The following CAMKMT variants were observed in gnomAD, a reference collection of about 807,000 sequenced individuals.
CAMKMT encodes CaM KMT.
A neutral mutation model predicts 48.0 loss-of-function variants in CAMKMT; 53 were observed. The ratio of observed to expected loss-of-function variants is 1.10; its 90% confidence interval spans 0.89 to 1.39. The LOEUF is 1.39. Ranked by LOEUF, CAMKMT falls within the 40% of genes most tolerant of loss-of-function variation. The pLI is 0.00. For synonymous variants in CAMKMT, 165 were observed against 152.3 expected (o/e 1.08, Z -0.61); for missense variants, 428 against 402.7 (o/e 1.06, Z -0.54).
chr2:44,370,188 A>G (rs1679012948), intron 1 of CAMKMT, among the ~76,000 whole-genome samples: 1 of 151,506 alleles, frequency 6.6e-6, no homozygotes, highest in African/African-American at 2.5e-5. Context: ...TTTTTCTCTC[A>G]CGTAGTAGGT....
intron 9 of CAMKMT, among the ~76,000 whole-genome samples, chr2:44,754,908 A>G (rs1488658023): frequency 6.6e-6 from 1 of 152,174 alleles, no homozygotes; most frequent in Non-Finnish European, 1.5e-5. Flanking sequence ...GGAGTTTAAA[A>G]TAGGTTAACA....
intron 9 of CAMKMT, among the ~76,000 whole-genome samples, chr2:44,763,235 C>A (rs1177777499): frequency 6.6e-6 from 1 of 152,142 alleles, no homozygotes; most frequent in East Asian, 1.9e-4. Context: ...AACAAAACTC[C>A]TAAGTAGTTA....
intron 3 of CAMKMT, among the ~76,000 whole-genome samples, chr2:44,596,827 A>G (rs926692290): frequency 1.3e-5 from 2 of 152,196 alleles, no homozygotes; most frequent in African/African-American, 4.8e-5. Context: ...TCTAAGGTTT[A>G]CTCAGTCATT....
chr2:44,480,961 A>G (rs1016806413), intron 3 of CAMKMT, among the ~76,000 whole-genome samples: 2 of 152,070 alleles, frequency 1.3e-5, no homozygotes, highest in African/African-American at 4.8e-5. Context: ...TGGATCATAT[A>G]AATAGGAGAT....
chr2:44,386,010 C>CT (rs1680748179), intron 2 of CAMKMT, among the ~76,000 whole-genome samples: 1 of 151,976 alleles, frequency 6.6e-6, no homozygotes, highest in Non-Finnish European at 1.5e-5. Flanking sequence ...GGGAGGGTTT[C>CT]TTATTTCTTT....
rs768016198 is a variant in CAMKMT, at chr2:44,710,107, T to TA, written c.556+2656dup. On this transcript the variant is annotated intron_variant, in intron 6 of 10. Transcript: ENST00000378494. The stretch of plus-strand genomic sequence containing the variant: ...TAAGATTCTGATTTTTACCTTTTTT[T>TA]AAAAAAAAAAACAGCATTTCCTGAT... Among the ~76,000 whole-genome samples, 502 of 147,942 alleles carry TA rather than the reference T, an allele frequency of 3.4e-3. 5 individuals are homozygous for TA. The highest frequency in any genetic ancestry group is 0.023 in the East Asian group (118 of 5,110).
Position 44,525,079 on chromosome 2 carries a change from G to A in CAMKMT, c.376+134774G>A, listed in dbSNP as rs530242868. On this transcript the variant is annotated intron_variant, in intron 3 of 10. Transcript: ENST00000378494. ...GATAAGTGAGATTAAGATAGCACAC[G>A]TTAGTAGTTATAGTAGTAGTAATAC... 1.9e-3 allele frequency among the ~76,000 whole-genome samples: 282 copies of A among 151,992 alleles called. 1 individual carries two copies. The highest frequency in any genetic ancestry group is 3.4e-3 in the Middle Eastern group (1 of 292).
intron 3 of CAMKMT, among the ~76,000 whole-genome samples, chr2:44,520,027 C>T (rs1349552286): frequency 8.7e-5 from 13 of 148,594 alleles, no homozygotes; most frequent in African/African-American, 2.7e-4. Flanking sequence ...CTGGCTAACA[C>T]GGTGAAACCC....
At chr2:44,587,507 G>A (rs971390846) in intron 3 of CAMKMT, among the ~76,000 whole-genome samples, 20 of 115,880 alleles carry the variant, frequency 1.7e-4, no homozygotes, top group East Asian at 8.7e-4. Context: ...CTCCTTCCAC[G>A]GTCTCCCTCT....
chr2:44,437,950 G>T (rs1293625774), intron 3 of CAMKMT, among the ~76,000 whole-genome samples: 2 of 150,190 alleles, frequency 1.3e-5, no homozygotes, highest in African/African-American at 2.4e-5. Context: ...AGTAATGTGT[G>T]TTTTTTTTTC....
chr2:44,750,656 G>T (rs1330555905), intron 8 of CAMKMT, among the ~76,000 whole-genome samples: 1 of 152,136 alleles, frequency 6.6e-6, no homozygotes, highest in Non-Finnish European at 1.5e-5. Context: ...TCTTCCCCAG[G>T]AATCAACGTT....
intron 3 of CAMKMT, among the ~76,000 whole-genome samples, chr2:44,511,030 G>A (rs749204154): frequency 8.6e-5 from 13 of 151,896 alleles, no homozygotes; most frequent in Non-Finnish European, 1.8e-4. Flanking sequence ...TAGTAGAGAC[G>A]GGGTTTCACC....
chr2:44,771,976 G>T, intron 10 of CAMKMT, 60 bp from the exon 11 acceptor site: 2 of 1,110,784 alleles, frequency 1.8e-6, no homozygotes, highest in South Asian at 2.6e-5. Flanking sequence ...CATTAATATT[G>T]ACTGGTAAAG....
At chr2:44,555,554 G>C (rs1667961375) in intron 3 of CAMKMT, among the ~76,000 whole-genome samples, 2 of 152,184 alleles carry the variant, frequency 1.3e-5, no homozygotes, top group South Asian at 4.1e-4. Flanking sequence ...GAAGGTCTAG[G>C]CATCAGGAGA....
At chr2:44,509,605 G>A (rs1344091735) in intron 3 of CAMKMT, among the ~76,000 whole-genome samples, 1 of 152,120 alleles carries the variant, frequency 6.6e-6, no homozygotes, top group East Asian at 1.9e-4. Flanking sequence ...AATTCCTGCT[G>A]TGGTTTGAGT....
chr2:44,412,547 G>T (rs1455009085), intron 3 of CAMKMT, among the ~76,000 whole-genome samples: 2 of 151,980 alleles, frequency 1.3e-5, no homozygotes, highest in African/African-American at 4.8e-5. Context: ...TATTGGCCAG[G>T]CTGGTCTTAA....
intron 3 of CAMKMT, among the ~76,000 whole-genome samples, chr2:44,543,663 A>T (rs1455763605): frequency 6.6e-6 from 1 of 152,170 alleles, no homozygotes; most frequent in Non-Finnish European, 1.5e-5. Context: ...TTTTTGGTGC[A>T]TAATTTTTGA....
intron 3 of CAMKMT, among the ~76,000 whole-genome samples, chr2:44,581,900 G>A (rs1669588822): frequency 1.3e-5 from 2 of 152,228 alleles, no homozygotes; most frequent in African/African-American, 4.8e-5. Flanking sequence ...TTGGGAGGCT[G>A]AGGCAGATGA....
At chr2:44,366,406 G>A (rs1678599327) in intron 1 of CAMKMT, among the ~76,000 whole-genome samples, 1 of 152,090 alleles carries the variant, frequency 6.6e-6, no homozygotes, top group South Asian at 2.1e-4. Context: ...ATGTATTTTT[G>A]TTTCACCTTT....
Sources: gnomAD v4.1 joint callset for allele counts (sites outside exome capture counted in the v4.1 genomes callset) on GRCh38, gnomAD v4.1.1 for gene constraint, MANE v1.5 for transcripts, NCBI Gene and HGNC (gene_info 2026-07-23, HGNC 2026-07-21) for gene names.